MBD2: variants seen among roughly 807,000 people sequenced by gnomAD.
MBD2 encodes methyl-CpG binding domain protein 2.
Under a neutral mutation model 39.3 loss-of-function variants are expected in MBD2, and 9 were observed. The observed-to-expected ratio is 0.23, with a 90% CI of 0.14 to 0.40. The LOEUF (loss-of-function observed/expected upper bound fraction) is 0.40, where lower values mean the gene tolerates loss of function less well. MBD2 is among the 10% of genes least tolerant of loss of function. MBD2 has a pLI of 1.00. For missense variants in MBD2, 458 were observed against 532.6 expected, an observed-to-expected ratio of 0.86 and a Z score of 1.38; for synonymous variants, 233 against 211.1, an observed-to-expected ratio of 1.10 and a Z score of -0.90.
At chr18:54,223,060 A>C (rs965013599) in intron 1 of MBD2, among the ~76,000 whole-genome samples, 1 of 152,234 alleles carries the variant, frequency 6.6e-6, no homozygotes, top group African/African-American at 2.4e-5. Context: ...ACGTACCTCC[A>C]AACTACTGAA....
In MBD2 at chr18:54,154,615, C is replaced by T. The variant is rs1476246516; in HGVS notation, c.*709G>A. The T allele has an allele frequency of 2.6e-5, 4 of 152,188 alleles. No homozygotes were observed. Among genetic ancestry groups the T allele is most frequent in the Admixed American group, 1.3e-4 (2 of 15,278 alleles). The allele number at this position is 152,188 out of a possible 1,614,324, so 9.4% of individuals were successfully genotyped here. A position where few individuals can be genotyped will look rare whatever the true frequency, so the allele number is the denominator to read the frequency against. On this transcript the variant is annotated 3_prime_UTR_variant, in exon 7 of 7. Transcript: ENST00000256429. ...AGTCACAGGCAAGGAAAAAAAATTACACATGCTAGGTGATATTTAGCAGAA... is the reference window on the plus strand; with the variant it reads ...AGTCACAGGCAAGGAAAAAAAATTATACATGCTAGGTGATATTTAGCAGAA...
intron 3 of MBD2, among the ~76,000 whole-genome samples, chr18:54,181,693 G>C (rs1159690613): frequency 6.6e-6 from 1 of 151,906 alleles, no homozygotes; most frequent in Non-Finnish European, 1.5e-5. Context: ...GTAGAGACAG[G>C]GTTTCGCATC....
At chr18:54,213,567 A>T (rs754741385) in intron 1 of MBD2, among the ~76,000 whole-genome samples, 24 of 152,184 alleles carry the variant, frequency 1.6e-4, no homozygotes, top group Non-Finnish European at 2.9e-4. Flanking sequence ...ACCTAGTCTC[A>T]TCCTTAAGGC....
At chr18:54,199,937 A>G (rs777283213) in intron 2 of MBD2, among the ~76,000 whole-genome samples, 1 of 152,174 alleles carries the variant, frequency 6.6e-6, no homozygotes, top group East Asian at 1.9e-4. Context: ...AAGATAGGTA[A>G]GCTCTCCACA....
At chr18:54,183,579 C>A (rs1264050827) in intron 3 of MBD2, among the ~76,000 whole-genome samples, 2 of 152,110 alleles carry the variant, frequency 1.3e-5, no homozygotes, top group African/African-American at 4.8e-5. Flanking sequence ...GAAACTTGTC[C>A]ATTCAGTTTA....
intron 2 of MBD2, chr18:54,203,053 A>G (rs1481410348): frequency 7.1e-7 from 1 of 1,405,900 alleles, no homozygotes; most frequent in South Asian, 1.2e-5. Flanking sequence ...GAGCAAGCAG[A>G]GTCTTGAAAG....
At chr18:54,222,279 G>A in intron 1 of MBD2, 1 of 458,610 alleles carries the variant, frequency 2.2e-6, no homozygotes, top group South Asian at 1.6e-5. Context: ...TTTTTAATCA[G>A]AAGAAATTGT....
chr18:54,188,377 T>A (rs1274719491), intron 3 of MBD2, among the ~76,000 whole-genome samples: 1 of 152,164 alleles, frequency 6.6e-6, no homozygotes, highest in Non-Finnish European at 1.5e-5. Flanking sequence ...ATTGAATTGG[T>A]ACAAAAATGG....
intron 2 of MBD2, among the ~76,000 whole-genome samples, chr18:54,196,723 C>T (rs892080634): frequency 6.6e-6 from 1 of 152,172 alleles, no homozygotes; most frequent in African/African-American, 2.4e-5. Context: ...CTCCGAATCT[C>T]CCTTCATGAT....
At chr18:54,219,326 G>C (rs1234262410) in intron 1 of MBD2, among the ~76,000 whole-genome samples, 1 of 152,086 alleles carries the variant, frequency 6.6e-6, no homozygotes, top group African/African-American at 2.4e-5. Flanking sequence ...CACAAGAACA[G>C]AAATAAAGCA....
chr18:54,202,412 T>C (rs1450759047), intron 2 of MBD2, among the ~76,000 whole-genome samples: 1 of 152,184 alleles, frequency 6.6e-6, no homozygotes, highest in Non-Finnish European at 1.5e-5. Flanking sequence ...TTCTATTAAT[T>C]ACTTTAAAGC....
chr18:54,211,423 G>A (rs144734603), intron 1 of MBD2, among the ~76,000 whole-genome samples: 14 of 121,014 alleles, frequency 1.2e-4, no homozygotes, highest in East Asian at 6.2e-4. Context: ...ACGCACACAC[G>A]CAAGCACGCA....
rs186349573 is a variant in MBD2, at chr18:54,162,991, C to T, written c.1109+1532G>A. Among the ~76,000 whole-genome samples, 53 of 152,180 alleles carry T rather than the reference C, an allele frequency of 3.5e-4. 1 individual carries two copies. In the East Asian group the frequency reaches 9.4e-3, roughly 27 times the overall value. ...TTAAAAAATACAAATATAGGCTGGGCGTGGTGGCTCACACCTGTAACACCT... is the reference window on the plus strand; with the variant it reads ...TTAAAAAATACAAATATAGGCTGGGTGTGGTGGCTCACACCTGTAACACCT... On this transcript the variant is annotated intron_variant, in intron 5 of 6. Coordinates refer to ENST00000256429, the MANE Select transcript of MBD2 (RefSeq NM_003927.5).
intron 3 of MBD2, among the ~76,000 whole-genome samples, chr18:54,166,567 A>G (rs1159015209): frequency 6.6e-5 from 10 of 152,260 alleles, no homozygotes; most frequent in Admixed American, 6.5e-4. Context: ...CCCTTTATCC[A>G]ATATCATTAG....
At chr18:54,176,022 A>G (rs145074356) in intron 3 of MBD2, among the ~76,000 whole-genome samples, 14 of 152,376 alleles carry the variant, frequency 9.2e-5, no homozygotes, top group Admixed American at 2.6e-4. Context: ...ATATGAGGAC[A>G]ACAGTGTTAA....
In MBD2 at chr18:54,224,041, G is replaced by T; in HGVS notation, c.519C>A (p.Gly173=). ...ACCTGAAGTAGTAGACATCGCTCTT[G>T]CCAGCACTTAGCCCAGATTTTCGGA... ...EVIRKSGLSA[G]KSDVYYFSPS... Residue 173 remains glycine, a synonymous_variant, in exon 1 of 7, where the codon GGC becomes GGA. Coordinates refer to ENST00000256429, the MANE Select transcript of MBD2 (RefSeq NM_003927.5). 1 of 1,557,824 alleles carries T rather than the reference G, an allele frequency of 6.4e-7. No homozygotes were observed.
intron 5 of MBD2, among the ~76,000 whole-genome samples, chr18:54,161,431 T>C (rs958105399): frequency 6.6e-6 from 1 of 152,218 alleles, no homozygotes; most frequent in African/African-American, 2.4e-5. Flanking sequence ...TGTTTATTTC[T>C]TATACAGTTA....
chr18:54,195,793 A>G (rs1400297757), intron 2 of MBD2, among the ~76,000 whole-genome samples: 2 of 152,192 alleles, frequency 1.3e-5, no homozygotes, highest in Non-Finnish European at 2.9e-5. Context: ...AATAAATAGC[A>G]GTTATTTATT....
intron 1 of MBD2, among the ~76,000 whole-genome samples, chr18:54,207,485 G>A (rs1252758597): frequency 6.6e-6 from 1 of 152,088 alleles, no homozygotes; most frequent in Admixed American, 6.5e-5. Flanking sequence ...CACCATTATA[G>A]GCTAGCACTG....
Sources: allele counts gnomAD v4.1 joint callset (sites outside exome capture counted in the v4.1 genomes callset), GRCh38; gene constraint gnomAD v4.1.1; transcripts MANE v1.5; gene names NCBI Gene and HGNC (gene_info 2026-07-23, HGNC 2026-07-21).